The following MAF variants were observed in gnomAD, a reference collection of about 807,000 sequenced individuals.
The protein encoded by MAF is MAF bZIP transcription factor, also known as transcription factor Maf.
A neutral mutation model predicts 22.0 loss-of-function variants in MAF; 10 were observed. That is an observed-to-expected ratio of 0.45 (90% CI 0.28 to 0.77). The LOEUF is 0.77. Among genes scored for constraint, MAF ranks in the 30% least tolerant of loss-of-function variants. The pLI, the probability that MAF is intolerant of heterozygous loss-of-function variation, is 0.12. For synonymous variants in MAF, 337 were observed against 255.8 expected, an observed-to-expected ratio of 1.32 and a Z score of -3.03; for missense variants, 544 against 548.4, an observed-to-expected ratio of 0.99 and a Z score of 0.08.
chr16:79,557,021 T>A, the MAF span, among the ~76,000 whole-genome samples: 1 of 150,682 alleles, frequency 6.6e-6, no homozygotes, highest in Non-Finnish European at 1.5e-5. Context: ...GCTTGCTATG[T>A]TGCCCAGGCT....
At chr16:79,489,892 C>T in the MAF span, among the ~76,000 whole-genome samples, 2 of 152,164 alleles carry the variant, frequency 1.3e-5, no homozygotes, top group South Asian at 2.1e-4. Context: ...GTGGTCAGGG[C>T]CCCGGCAATG....
At chr16:79,538,871 A>AAAAGAAAGAAAGAAAGAAAGAAAGAAAG in the MAF span, among the ~76,000 whole-genome samples, 1 of 104,254 alleles carries the variant, frequency 9.6e-6, no homozygotes, top group African/African-American at 3.7e-5. Flanking sequence ...AAAAGAAAAG[A>AAAAGAAAGAAAGAAAGAAAGAAAGAAAG]AAAGAAAGAA....
At chr16:79,300,366 C>A in the MAF span, among the ~76,000 whole-genome samples, 2 of 152,114 alleles carry the variant, frequency 1.3e-5, no homozygotes, top group Admixed American at 1.3e-4. Flanking sequence ...ACCAGCCTGA[C>A]CAACATGGTG....
the MAF span, among the ~76,000 whole-genome samples, chr16:79,514,169 GC>G: frequency 6.6e-6 from 1 of 152,216 alleles, no homozygotes; most frequent in Non-Finnish European, 1.5e-5. Context: ...GGGGAAATAA[GC>G]TCTTCCGGCT....
the MAF span, among the ~76,000 whole-genome samples, chr16:79,391,532 C>A: frequency 1.3e-5 from 2 of 152,202 alleles, no homozygotes. Context: ...AAATGAGGGG[C>A]AGACTTCTCA....
the MAF span, among the ~76,000 whole-genome samples, chr16:79,341,851 G>T: frequency 6.6e-6 from 1 of 152,162 alleles, no homozygotes; most frequent in African/African-American, 2.4e-5. Flanking sequence ...ATCCTGCAGA[G>T]AAAGTGATAA....
the MAF span, among the ~76,000 whole-genome samples, chr16:79,485,940 A>T: frequency 1.3e-5 from 2 of 152,250 alleles, no homozygotes; most frequent in African/African-American, 4.8e-5. Context: ...TAGATTTTTA[A>T]CTGATGGAAC....
the MAF span, among the ~76,000 whole-genome samples, chr16:79,359,372 A>C: frequency 1.3e-5 from 2 of 152,194 alleles, no homozygotes. Flanking sequence ...GGCACAGCAA[A>C]AAGTTTCTCT....
At chr16:79,263,503 A>G in the MAF span, among the ~76,000 whole-genome samples, 18 of 152,366 alleles carry the variant, frequency 1.2e-4, no homozygotes, top group East Asian at 3.3e-3. Flanking sequence ...GCGCTCAGGC[A>G]GTGACGTTCT....
the MAF span, among the ~76,000 whole-genome samples, chr16:79,306,891 G>A: frequency 6.6e-6 from 1 of 152,188 alleles, no homozygotes; most frequent in South Asian, 2.1e-4. Context: ...CTGCATTACA[G>A]GGTTGTTTTG....
At chr16:79,289,877 G>A in the MAF span, among the ~76,000 whole-genome samples, 1 of 13,676 alleles carries the variant, frequency 7.3e-5, no homozygotes, top group Non-Finnish European at 2.1e-4. Context: ...TTGTGAGACG[G>A]AGTCTTGCTC....
the MAF span, among the ~76,000 whole-genome samples, chr16:79,409,861 G>A: frequency 7.0e-4 from 107 of 152,296 alleles, no homozygotes; most frequent in African/African-American, 2.6e-3. Context: ...CTAGCCAAAC[G>A]TGGTGACTGA....
the MAF span, among the ~76,000 whole-genome samples, chr16:79,278,809 G>A: frequency 2.0e-5 from 3 of 152,086 alleles, no homozygotes; most frequent in Non-Finnish European, 4.4e-5. Flanking sequence ...CTGCCTGCTG[G>A]CCCCCAAGTG....
At chr16:79,336,583 G>A in the MAF span, among the ~76,000 whole-genome samples, 2 of 152,106 alleles carry the variant, frequency 1.3e-5, no homozygotes, top group Non-Finnish European at 2.9e-5. Flanking sequence ...GAAGCTCAGT[G>A]GCACTGTCCT....
the MAF span, among the ~76,000 whole-genome samples, chr16:79,498,518 C>T: frequency 2.0e-5 from 3 of 152,340 alleles, no homozygotes; most frequent in Admixed American, 6.5e-5. Flanking sequence ...CTTCACTTTG[C>T]CTGCTCCTGG....
At chr16:79,381,247 C>G in the MAF span, among the ~76,000 whole-genome samples, 1 of 152,220 alleles carries the variant, frequency 6.6e-6, no homozygotes, top group South Asian at 2.1e-4. Context: ...CCGATATTTC[C>G]TGTAAAGGGT....
chr16:79,215,831 G>C, the MAF span, among the ~76,000 whole-genome samples: 2 of 152,132 alleles, frequency 1.3e-5, no homozygotes, highest in Non-Finnish European at 2.9e-5. Flanking sequence ...TCCTCACAAA[G>C]CACAACGTCC....
rs2143814319 is a variant in MAF at position 79,599,580 on chromosome 16, A to G, written c.323T>C (p.Phe108Ser). The change falls in exon 1 of 2, where the codon TTC becomes TCC. Residue 108 changes from phenylalanine (F) to serine (S), a missense_variant. Phe to Ser is a radical substitution (Grantham distance 155). Transcript: ENST00000326043. The part of the protein sequence containing the change: ...PQQLNPEALG[F>S]SPEDAVEALI... ...CGCCTCGACCGCGTCCTCGGGGCTG[A>G]AGCCCAGCGCCTCGGGGTTCAGCTG... 1 of 1,604,798 alleles carries G rather than the reference A, an allele frequency of 6.2e-7. No homozygotes were observed. The highest frequency in any genetic ancestry group is 8.5e-7 in the Non-Finnish European group (1 of 1,176,558).
At chr16:79,532,316 C>T in the MAF span, among the ~76,000 whole-genome samples, 3 of 152,116 alleles carry the variant, frequency 2.0e-5, no homozygotes, top group Non-Finnish European at 4.4e-5. Flanking sequence ...CAGCATCATC[C>T]GTAGCCACTG....
Sources: gnomAD v4.1 joint callset for allele counts (sites outside exome capture counted in the v4.1 genomes callset) on GRCh38, gnomAD v4.1.1 for gene constraint, MANE v1.5 for transcripts, NCBI Gene and HGNC (gene_info 2026-07-23, HGNC 2026-07-21) for gene names.